Variants in RFX3 observed in about 807,000 individuals in gnomAD.
The protein encoded by RFX3 is transcription factor RFX3.
A neutral mutation model predicts 98.6 loss-of-function variants in RFX3; 14 were observed. That is an observed-to-expected ratio of 0.14 (90% CI 0.09 to 0.22). The LOEUF (loss-of-function observed/expected upper bound fraction) is 0.22. Among genes scored for constraint, RFX3 ranks in the 10% least tolerant of loss-of-function variants. The pLI is 1.00. For synonymous variants in RFX3, 383 were observed against 328.4 expected (o/e 1.17, Z -1.80); for missense variants, 639 against 926.9 (o/e 0.69, Z 4.03).
At chr9:3,332,536 A>T (rs902014137) in intron 3 of RFX3, among the ~76,000 whole-genome samples, 1 of 152,144 alleles carries the variant, frequency 6.6e-6, no homozygotes. Flanking sequence ...TCCCTTCTCT[A>T]ATCAGTTGCT....
In RFX3 at chr9:3,386,689, G is replaced by A. The variant is rs567880295; in HGVS notation, c.117+8783C>T. On this transcript the variant is annotated intron_variant, in intron 2 of 16. Transcript: ENST00000617270. ...CAAGTGTCAAAGAAAAATCCAGAAA[G>A]ATCCTAGAAAATAATGTTGGATTTA... Among the ~76,000 whole-genome samples, 497 of 152,224 alleles carry A rather than the reference G, an allele frequency of 3.3e-3. 1 individual carries two copies. Among genetic ancestry groups the A allele is most frequent in the African/African-American group, 0.01 (435 of 41,558 alleles).
In RFX3 at chr9:3,376,289, G is replaced by A. The variant is rs191061460; in HGVS notation, c.117+19183C>T. Among the ~76,000 whole-genome samples the A allele has an allele frequency of 3.0e-3, 453 of 152,128 alleles. 17 individuals carry two copies. Among genetic ancestry groups the A allele is most frequent in the Admixed American group, 0.027 (415 of 15,276 alleles). On this transcript the variant is annotated intron_variant, in intron 2 of 16. Coordinates refer to ENST00000617270, the MANE Select transcript of RFX3 (RefSeq NM_001282116.2). ...AAAATATTTTGGCAGTTTCTTATAC[G>A]GTTCAACAAACAATTAACCATGGGA...
chr9:3,243,313 C>G (rs1820203852), intron 15 of RFX3, among the ~76,000 whole-genome samples: 1 of 122,068 alleles, frequency 8.2e-6, no homozygotes, highest in African/African-American at 3.1e-5. Flanking sequence ...TAAATTGTTT[C>G]CTTTTTATCA....
chr9:3,319,094 G>T (rs1395981323), intron 4 of RFX3, among the ~76,000 whole-genome samples: 1 of 152,192 alleles, frequency 6.6e-6, no homozygotes, highest in Admixed American at 6.5e-5. Flanking sequence ...TTTTCAAATG[G>T]TCTCTGCATT....
chr9:3,409,163 T>C (rs1360156137), intron 1 of RFX3, among the ~76,000 whole-genome samples: 1 of 152,238 alleles, frequency 6.6e-6, no homozygotes, highest in Non-Finnish European at 1.5e-5. Flanking sequence ...CTTTTGGGGA[T>C]CAGAATCTAT....
At chr9:3,292,061 CAAAAAAAAAAAAAAAAAA>C (rs58788880) in intron 6 of RFX3, among the ~76,000 whole-genome samples, 24 of 23,942 alleles carry the variant, frequency 1.0e-3, no homozygotes, top group South Asian at 6.5e-3. Flanking sequence ...GACTCCATCT[CAAAAAAAAAAAAAAAAAA>C]AAAAAAAAAA....
chr9:3,354,182 T>C (rs1835472273), intron 2 of RFX3, among the ~76,000 whole-genome samples: 1 of 151,996 alleles, frequency 6.6e-6, no homozygotes. Flanking sequence ...GGACAGTATT[T>C]AGTAGTCTCA....
chr9:3,368,576 T>C (rs985292100), intron 2 of RFX3, among the ~76,000 whole-genome samples: 1 of 152,198 alleles, frequency 6.6e-6, no homozygotes, highest in African/African-American at 2.4e-5. Context: ...GACAGGGATA[T>C]CATTTCCTTA....
At chr9:3,302,914 T>G (rs17715329) in intron 4 of RFX3, among the ~76,000 whole-genome samples, 16,709 of 151,806 alleles carry the variant, frequency 0.11, 931 homozygotes, top group Middle Eastern at 0.19. Context: ...ACGTTGCTAA[T>G]TCTTCCCTGG....
intron 1 of RFX3, among the ~76,000 whole-genome samples, chr9:3,412,022 G>A (rs1652784033): frequency 6.6e-6 from 1 of 151,886 alleles, no homozygotes. Context: ...AAACATTATG[G>A]GCATCAAAAA....
chr9:3,325,530 G>T (rs568272471), intron 4 of RFX3, among the ~76,000 whole-genome samples: 53 of 152,070 alleles, frequency 3.5e-4, no homozygotes, highest in African/African-American at 1.3e-3. Flanking sequence ...ATACATAAAG[G>T]TGTAAAAATT....
chr9:3,286,016 A>G (rs2131556057), intron 7 of RFX3, among the ~76,000 whole-genome samples: 1 of 151,992 alleles, frequency 6.6e-6, no homozygotes, highest in South Asian at 2.1e-4. Flanking sequence ...AATTCCTGGC[A>G]GTTAAATCAC....
At chr9:3,348,269 G>T (rs1466982085) in intron 2 of RFX3, among the ~76,000 whole-genome samples, 1 of 152,074 alleles carries the variant, frequency 6.6e-6, no homozygotes, top group Non-Finnish European at 1.5e-5. Context: ...GCTTGAACAA[G>T]TTCAATTTTT....
chr9:3,479,207 T>C (rs1469669995), intron 1 of RFX3, among the ~76,000 whole-genome samples: 1 of 152,202 alleles, frequency 6.6e-6, no homozygotes, highest in Non-Finnish European at 1.5e-5. Flanking sequence ...TTTCAATTCA[T>C]ACTCCTGCTT....
chr9:3,257,270 A>G lies in RFX3; in HGVS notation c.1606-71T>C, dbSNP rs1488784398. ...CCTTTCATTGAATGCCAGCACACAC[A>G]CTAGATGCAAGAACAGAAAATTATA... is the stretch of plus-strand genomic sequence containing the variant. On this transcript the variant is annotated intron_variant, in intron 13 of 16. Coordinates refer to ENST00000617270, the MANE Select transcript of RFX3 (RefSeq NM_001282116.2). The G allele has an allele frequency of 4.0e-6, 5 of 1,249,120 alleles. No homozygotes were observed. The African/African-American group carries it at 7.5e-5, about 19-fold the overall frequency. The allele number at this position is 1,249,120 out of a possible 1,614,324, so 77.4% of individuals were successfully genotyped here.
At chr9:3,247,459 C>T (rs980405923) in intron 15 of RFX3, 4 of 670,632 alleles carry the variant, frequency 6.0e-6, no homozygotes, top group African/African-American at 2.0e-5. Context: ...GCATAAACCT[C>T]GGATGCTTAT....
At position 3,375,724 on chromosome 9, in the gene RFX3, G is replaced by T. The variant is rs537299710; in HGVS notation, c.117+19748C>A. Among the ~76,000 whole-genome samples the T allele has an allele frequency of 2.0e-5, 3 of 152,274 alleles. No homozygotes were observed. In the South Asian group the frequency reaches 6.2e-4, roughly 32 times the overall value. On this transcript the variant is annotated intron_variant, in intron 2 of 16. Transcript: ENST00000617270. Reference sequence around the variant, plus strand: ...ACCTGTAATCCCAGCACCTTGGGAGGCCAAGGCGGGTGGATCACAAGGTCA... The same window carrying T: ...ACCTGTAATCCCAGCACCTTGGGAGTCCAAGGCGGGTGGATCACAAGGTCA...
chr9:3,247,508 G>T, intron 15 of RFX3: 1 of 767,950 alleles, frequency 1.3e-6, no homozygotes, highest in Non-Finnish European at 1.6e-6. Flanking sequence ...TCAAAGACTT[G>T]CATTAAGTGC....
At chr9:3,379,525 C>G (rs767546638) in intron 2 of RFX3, among the ~76,000 whole-genome samples, 1 of 151,904 alleles carries the variant, frequency 6.6e-6, no homozygotes, top group Non-Finnish European at 1.5e-5. Flanking sequence ...GTAGTTTAAC[C>G]TAGAATGAAA....
Sources: gnomAD v4.1 joint callset for allele counts (sites outside exome capture counted in the v4.1 genomes callset) on GRCh38, gnomAD v4.1.1 for gene constraint, MANE v1.5 for transcripts, NCBI Gene and HGNC (gene_info 2026-07-23, HGNC 2026-07-21) for gene names.